The following ENTREP2 variants were observed in gnomAD, a reference collection of about 807,000 sequenced individuals.
ENTREP2 encodes endosomal transmembrane epsin interactor 2.
the ENTREP2 span, among the ~76,000 whole-genome samples, chr15:29,624,540 A>G: frequency 2.0e-5 from 3 of 152,208 alleles, no homozygotes; most frequent in African/African-American, 7.2e-5. Context: ...TCCAACCAGT[A>G]CAGCACATGA....
the ENTREP2 span, among the ~76,000 whole-genome samples, chr15:29,187,923 G>A: frequency 1.1e-4 from 17 of 152,218 alleles, no homozygotes; most frequent in South Asian, 3.5e-3. Flanking sequence ...AGATATTTGG[G>A]CTCATCCAGG....
At chr15:29,410,940 C>T in the ENTREP2 span, among the ~76,000 whole-genome samples, 4 of 152,090 alleles carry the variant, frequency 2.6e-5, no homozygotes, top group Admixed American at 2.0e-4. Flanking sequence ...CGTGCGCCAC[C>T]GCGCCCAGCT....
chr15:29,170,542 A>G, the ENTREP2 span, among the ~76,000 whole-genome samples: 1 of 152,182 alleles, frequency 6.6e-6, no homozygotes, highest in Non-Finnish European at 1.5e-5. Context: ...AAATCAACTT[A>G]TAAATCCAAT....
At chr15:29,611,955 T>G in the ENTREP2 span, among the ~76,000 whole-genome samples, 1 of 152,236 alleles carries the variant, frequency 6.6e-6, no homozygotes, top group African/African-American at 2.4e-5. Context: ...GATTGATGAC[T>G]TCTGTTCTCT....
chr15:29,572,025 T>C, the ENTREP2 span, among the ~76,000 whole-genome samples: 1 of 152,206 alleles, frequency 6.6e-6, no homozygotes, highest in South Asian at 2.1e-4. Context: ...AGTCCCAAAA[T>C]ATCTCGGTTG....
At chr15:29,390,478 C>T in the ENTREP2 span, among the ~76,000 whole-genome samples, 17 of 152,102 alleles carry the variant, frequency 1.1e-4, no homozygotes, top group African/African-American at 3.4e-4. Flanking sequence ...GAGAGGAGGC[C>T]GAACCTTGCG....
At chr15:29,397,805 G>T in the ENTREP2 span, among the ~76,000 whole-genome samples, 1 of 151,882 alleles carries the variant, frequency 6.6e-6, no homozygotes, top group Non-Finnish European at 1.5e-5. Flanking sequence ...GAGCACAGAG[G>T]GAAAAAAGGG....
At chr15:29,489,150 G>GGAAAA in the ENTREP2 span, among the ~76,000 whole-genome samples, 1 of 151,484 alleles carries the variant, frequency 6.6e-6, no homozygotes, top group Admixed American at 6.6e-5. Flanking sequence ...TAAAACATGG[G>GGAAAA]AAAAACTGGC....
chr15:29,585,090 A>G, the ENTREP2 span, among the ~76,000 whole-genome samples: 3 of 152,180 alleles, frequency 2.0e-5, no homozygotes, highest in African/African-American at 7.2e-5. Flanking sequence ...GATGAATACA[A>G]ATTATGTTGC....
At chr15:29,284,566 A>AC in the ENTREP2 span, among the ~76,000 whole-genome samples, 5 of 151,870 alleles carry the variant, frequency 3.3e-5, no homozygotes, top group Admixed American at 2.0e-4. Flanking sequence ...CAAAAAAAAA[A>AC]AAAAAAACCA....
chr15:29,223,595 G>A, the ENTREP2 span, among the ~76,000 whole-genome samples: 1 of 152,130 alleles, frequency 6.6e-6, no homozygotes. Context: ...ATAAATCCGA[G>A]AAACAGTTCG....
the ENTREP2 span, chr15:29,234,734 C>T: frequency 3.3e-6 from 5 of 1,513,756 alleles, no homozygotes; most frequent in Admixed American, 8.4e-5. Context: ...AGTAAATTGG[C>T]ATTGTCTGTT....
At chr15:29,388,276 A>G in the ENTREP2 span, among the ~76,000 whole-genome samples, 1 of 152,246 alleles carries the variant, frequency 6.6e-6, no homozygotes, top group East Asian at 1.9e-4. Flanking sequence ...TTTACAAGAA[A>G]AAAACAAACA....
At chr15:29,486,342 G>A in the ENTREP2 span, among the ~76,000 whole-genome samples, 1 of 152,030 alleles carries the variant, frequency 6.6e-6, no homozygotes, top group African/African-American at 2.4e-5. Context: ...ATACTATTTG[G>A]CCATAAGATA....
chr15:29,418,590 C>A, the ENTREP2 span, among the ~76,000 whole-genome samples: 9 of 152,174 alleles, frequency 5.9e-5, no homozygotes, highest in Non-Finnish European at 8.8e-5. Context: ...TTGCACAGGT[C>A]TTTCGCTTCC....
the ENTREP2 span, among the ~76,000 whole-genome samples, chr15:29,322,180 A>C: frequency 6.6e-6 from 1 of 152,168 alleles, no homozygotes; most frequent in African/African-American, 2.4e-5. Flanking sequence ...TATATGTATT[A>C]TGCACATCAT....
chr15:29,123,097 CATCTTT>C, the ENTREP2 span: 1 of 494,496 alleles, frequency 2.0e-6, no homozygotes, highest in African/African-American at 1.9e-5. Context: ...ACGTGAAAGT[CATCTTT>C]CCGAATTACT....
chr15:29,544,583 G>A, the ENTREP2 span, among the ~76,000 whole-genome samples: 1 of 152,128 alleles, frequency 6.6e-6, no homozygotes, highest in Non-Finnish European at 1.5e-5. Flanking sequence ...ATGCTAGGCA[G>A]GACTGGTCAG....
chr15:29,423,678 G>A, the ENTREP2 span, among the ~76,000 whole-genome samples: 5 of 151,636 alleles, frequency 3.3e-5, no homozygotes, highest in African/African-American at 1.2e-4. Context: ...GGCGCCTGTA[G>A]TCCCAGCTAC....
Sources: allele counts gnomAD v4.1 joint callset (sites outside exome capture counted in the v4.1 genomes callset), GRCh38; gene constraint gnomAD v4.1.1; transcripts MANE v1.5; gene names NCBI Gene and HGNC (gene_info 2026-07-23, HGNC 2026-07-21).